SFXN5: variants seen among roughly 807,000 people sequenced by gnomAD.
SFXN5 encodes sideroflexin-5.
A neutral mutation model predicts 50.2 loss-of-function variants in SFXN5; 43 were observed. The observed-to-expected ratio is 0.86, with a 90% CI of 0.67 to 1.11. SFXN5 has a LOEUF of 1.11. SFXN5 is among the 50% of genes least tolerant of loss of function. SFXN5 has a pLI of 0.00. For synonymous variants in SFXN5, 203 were observed against 185.8 expected, an observed-to-expected ratio of 1.09 and a Z score of -0.75; for missense variants, 463 against 454.1, an observed-to-expected ratio of 1.02 and a Z score of -0.18.
chr2:73,035,795 T>C (rs1678899079), intron 3 of SFXN5, among the ~76,000 whole-genome samples: 1 of 152,134 alleles, frequency 6.6e-6, no homozygotes, highest in Non-Finnish European at 1.5e-5. Flanking sequence ...ACACCACGCT[T>C]GGCTGGTATA....
chr2:73,002,854 G>A (rs556501906), intron 6 of SFXN5, among the ~76,000 whole-genome samples: 1 of 152,266 alleles, frequency 6.6e-6, no homozygotes, highest in South Asian at 2.1e-4. Context: ...TGAGAATCAG[G>A]GGAACCTGGG....
intron 10 of SFXN5, among the ~76,000 whole-genome samples, chr2:72,978,209 T>G (rs981646848): frequency 6.6e-6 from 1 of 151,870 alleles, no homozygotes; most frequent in African/African-American, 2.4e-5. Flanking sequence ...GGTTCCCAAC[T>G]ATACTGGGAA....
intron 10 of SFXN5, among the ~76,000 whole-genome samples, chr2:72,983,464 G>A (rs935976795): frequency 1.3e-5 from 2 of 152,200 alleles, no homozygotes; most frequent in Non-Finnish European, 2.9e-5. Context: ...TGTTCTCCTT[G>A]GAAGGAGCAG....
intron 12 of SFXN5, among the ~76,000 whole-genome samples, chr2:72,965,796 C>A (rs1161173979): frequency 1.3e-5 from 2 of 152,206 alleles, no homozygotes; most frequent in African/African-American, 2.4e-5. Flanking sequence ...AACATCTCTG[C>A]CAACTGGGAA....
chr2:73,048,341 G>A (rs368912797), intron 2 of SFXN5, among the ~76,000 whole-genome samples: 99 of 152,208 alleles, frequency 6.5e-4, no homozygotes, highest in African/African-American at 2.2e-3. Context: ...TCAGCCTCCC[G>A]AGTAGCTGGG....
At chr2:72,980,226 G>A (rs1028481437) in intron 10 of SFXN5, among the ~76,000 whole-genome samples, 1 of 151,800 alleles carries the variant, frequency 6.6e-6, no homozygotes, top group African/African-American at 2.4e-5. Context: ...ATAATAAAAA[G>A]TAAGTCTCCT....
chr2:72,971,708 G>A (rs752346207), intron 10 of SFXN5, 23 bp from the exon 11 acceptor site: 1 of 1,575,850 alleles, frequency 6.3e-7, no homozygotes, highest in Non-Finnish European at 8.7e-7. Context: ...GGGATGCAGA[G>A]AGCAGGATGA....
chr2:72,971,240 G>A (rs1032015238), intron 11 of SFXN5, among the ~76,000 whole-genome samples: 3 of 152,120 alleles, frequency 2.0e-5, no homozygotes, highest in Admixed American at 2.0e-4. Flanking sequence ...GGCCCGGGCA[G>A]AGGCAAGGGG....
intron 2 of SFXN5, among the ~76,000 whole-genome samples, chr2:73,041,234 A>T (rs1679585777): frequency 6.6e-6 from 1 of 152,264 alleles, no homozygotes; most frequent in Non-Finnish European, 1.5e-5. Context: ...CAACACACAC[A>T]TATCAAATAA....
chr2:72,967,057 G>A (rs1312438831), intron 12 of SFXN5, among the ~76,000 whole-genome samples: 1 of 152,208 alleles, frequency 6.6e-6, no homozygotes, highest in Non-Finnish European at 1.5e-5. Flanking sequence ...CCGCACTCCT[G>A]AGCCACCGCT....
chr2:72,964,121 G>A (rs1674089589), intron 12 of SFXN5, among the ~76,000 whole-genome samples: 1 of 152,256 alleles, frequency 6.6e-6, no homozygotes, highest in Admixed American at 6.5e-5. Context: ...ACCGAGGCCA[G>A]AGGCGAAGCA....
chr2:72,954,572 G>T (rs934201107), intron 13 of SFXN5, among the ~76,000 whole-genome samples: 1 of 152,114 alleles, frequency 6.6e-6, no homozygotes, highest in Admixed American at 6.5e-5. Flanking sequence ...CCCCTACAAG[G>T]GCGCCCCAGG....
intron 6 of SFXN5, among the ~76,000 whole-genome samples, chr2:73,004,819 C>T (rs569329885): frequency 6.6e-6 from 1 of 152,236 alleles, no homozygotes; most frequent in East Asian, 1.9e-4. Flanking sequence ...TTAGGCAAAA[C>T]GCAGCACCAT....
At chr2:73,018,120 A>T (rs1676398123) in intron 6 of SFXN5, among the ~76,000 whole-genome samples, 1 of 152,104 alleles carries the variant, frequency 6.6e-6, no homozygotes, top group African/African-American at 2.4e-5. Flanking sequence ...AGGCAAGAGG[A>T]TCACTTGAGC....
Position 72,944,014 on chromosome 2 carries a change from G to T in SFXN5, c.*1008C>A, listed in dbSNP as rs1249709143. On this transcript the variant is annotated 3_prime_UTR_variant, in exon 14 of 14. Transcript: ENST00000272433. The stretch of plus-strand genomic sequence containing the variant: ...TTCTCTGATAGGTGTCTAAGGAGCT[G>T]GCCTAGGCATTCTCAGGCATGAGAC... 1 of 152,286 alleles carries T rather than the reference G, an allele frequency of 6.6e-6. No homozygotes were observed. Among genetic ancestry groups the T allele is most frequent in the Non-Finnish European group, 1.5e-5 (1 of 68,082 alleles). 9.4% of individuals were successfully genotyped at this position (152,286 alleles called of 1,614,324 possible). A position where few individuals can be genotyped will look rare whatever the true frequency, so the allele number is the denominator to read the frequency against.
intron 3 of SFXN5, among the ~76,000 whole-genome samples, chr2:73,033,662 T>G (rs552619321): frequency 6.6e-6 from 1 of 152,340 alleles, no homozygotes; most frequent in South Asian, 2.1e-4. Context: ...CCAGTGTGAC[T>G]GCAGTGGACC....
At chr2:73,024,020 T>C (rs1318465334) in intron 3 of SFXN5, among the ~76,000 whole-genome samples, 1 of 152,116 alleles carries the variant, frequency 6.6e-6, no homozygotes. Context: ...AAACTATGAC[T>C]GTAATACCAA....
At chr2:72,982,138 G>A (rs1671385128) in intron 10 of SFXN5, among the ~76,000 whole-genome samples, 2 of 152,150 alleles carry the variant, frequency 1.3e-5, no homozygotes, top group Admixed American at 1.3e-4. Context: ...CTCATGCTAC[G>A]CTGGGAAATT....
At chr2:73,052,596 T>C (rs1001760663) in intron 2 of SFXN5, among the ~76,000 whole-genome samples, 3 of 152,220 alleles carry the variant, frequency 2.0e-5, no homozygotes, top group Non-Finnish European at 4.4e-5. Context: ...TTATTAATAC[T>C]ATTTCAGTTA....
Sources: allele counts gnomAD v4.1 joint callset (sites outside exome capture counted in the v4.1 genomes callset), GRCh38; gene constraint gnomAD v4.1.1; transcripts MANE v1.5; gene names NCBI Gene and HGNC (gene_info 2026-07-23, HGNC 2026-07-21).